FBXO32: variants seen among roughly 807,000 people sequenced by gnomAD.
FBXO32 encodes the protein F-box protein 32.
FBXO32 carries 15 observed loss-of-function variants against 48.3 expected under a neutral mutation model. That is an observed-to-expected ratio of 0.31 (90% CI 0.21 to 0.48). FBXO32 has a LOEUF of 0.48. FBXO32 is among the 20% of genes least tolerant of loss of function. FBXO32 has a pLI of 0.99. For missense variants in FBXO32, 309 were observed against 432.7 expected, an observed-to-expected ratio of 0.71 and a Z score of 2.54; for synonymous variants, 154 against 165.9, an observed-to-expected ratio of 0.93 and a Z score of 0.55.
intron 4 of FBXO32, among the ~76,000 whole-genome samples, chr8:123,531,128 C>T (rs62521280): frequency 0.078 from 11,805 of 151,712 alleles, 636 homozygotes; most frequent in Non-Finnish European, 0.12. Flanking sequence ...TACAGGCACC[C>T]GCCACCACGC....
rs1420553926 is a variant in FBXO32 at position 123,506,963 on chromosome 8, C to T, written c.652-389G>A. 6.6e-6 allele frequency among the ~76,000 whole-genome samples: 1 copy of T among 152,150 alleles called. No individual in the cohort carries two copies. Among genetic ancestry groups the T allele is most frequent in the African/African-American group, 2.4e-5 (1 of 41,436 alleles). On this transcript the variant is annotated intron_variant, in intron 6 of 8. Coordinates refer to ENST00000517956, the MANE Select transcript of FBXO32 (RefSeq NM_058229.4). The surrounding 1 kb of genome is among the most constrained non-coding windows in gnomAD (Gnocchi z 4.0). ...GCCACCCCAAGTCCCATCTCTCTGG[C>T]CCCCCTCCAGACATCAGGTCCCTCC...
Position 123,499,843 on chromosome 8 carries a change from C to A in FBXO32, c.*3530G>T, listed in dbSNP as rs1012371062. 2.0e-5 allele frequency: 3 copies of A among 152,198 alleles called. No individual in the cohort carries two copies. The East Asian group carries it at 5.8e-4, about 29-fold the overall frequency. 9.4% of individuals were successfully genotyped at this position (152,198 alleles called of 1,614,324 possible). ...GTATGTGAATCCACAAAGACGAGAACTATGGCAATAGCATAATACACACCC... is the reference window on the plus strand; with the variant it reads ...GTATGTGAATCCACAAAGACGAGAAATATGGCAATAGCATAATACACACCC... On this transcript the variant is annotated 3_prime_UTR_variant, in exon 9 of 9. Transcript: ENST00000517956.
At chr8:123,522,345 A>C (rs999217894) in intron 4 of FBXO32, among the ~76,000 whole-genome samples, 10 of 151,210 alleles carry the variant, frequency 6.6e-5, no homozygotes, top group African/African-American at 2.2e-4. Context: ...AGTAGCTGGG[A>C]CTACAAGTGC....
Position 123,513,347 on chromosome 8 carries a change from C to T in FBXO32, c.502G>A (p.Glu168Lys). 1 of 1,614,052 alleles carries T rather than the reference C, an allele frequency of 6.2e-7. No individual in the cohort carries two copies. Among genetic ancestry groups the T allele is most frequent in the Non-Finnish European group, 8.5e-7 (1 of 1,179,976 alleles). The change falls in exon 6 of 9, where the codon GAA becomes AAA. Residue 168 changes from glutamate to lysine, a missense_variant. Transcript: ENST00000517956. The surrounding 1 kb of genome is among the most constrained non-coding windows in gnomAD (Gnocchi z 4.3). ...EDQQNIRLIRELLQTLYTSLC... is the reference protein window; with the variant it reads ...EDQQNIRLIRKLLQTLYTSLC... ...GATGTGTAGAGGGTCTGGAGTAGTT[C>T]CCTTATTAGTCTAATGTTTTGCTGG... is the stretch of plus-strand genomic sequence containing the variant.
At chr8:123,515,521 T>A (rs1156864308) in intron 4 of FBXO32, among the ~76,000 whole-genome samples, 1 of 151,512 alleles carries the variant, frequency 6.6e-6, no homozygotes, top group Non-Finnish European at 1.5e-5. Context: ...AATGCTGGGA[T>A]TACAGGCATG....
chr8:123,514,565 A>G (rs1816800390), intron 4 of FBXO32, among the ~76,000 whole-genome samples: 1 of 152,240 alleles, frequency 6.6e-6, no homozygotes, highest in Non-Finnish European at 1.5e-5. Context: ...AAATATAAAG[A>G]ATTTTGGCTT....
intron 2 of FBXO32, among the ~76,000 whole-genome samples, chr8:123,534,305 T>G (rs1202418208): frequency 6.6e-6 from 1 of 152,208 alleles, no homozygotes; most frequent in African/African-American, 2.4e-5. Context: ...TTATATATAG[T>G]ATCTAGAAAT....
intron 1 of FBXO32, among the ~76,000 whole-genome samples, chr8:123,539,134 T>C (rs1817365284): frequency 6.6e-6 from 1 of 152,108 alleles, no homozygotes; most frequent in Middle Eastern, 3.2e-3. Context: ...GCCTCCCGAG[T>C]AGGGTAAGTA....
In FBXO32 at chr8:123,506,206, G is replaced by A. The variant is rs1354106658; in HGVS notation, c.834+186C>T. On this transcript the variant is annotated intron_variant, in intron 7 of 8. Transcript: ENST00000517956. This position sits in a 1 kb window ranked among gnomAD's most constrained non-coding sequence, Gnocchi z 4.0. Reference sequence around the variant, plus strand: ...ATTGCATCACTGCACTCCAGCCTGGGCCACAGAGCGAGACCCTGTCTCAAA... The same window carrying A: ...ATTGCATCACTGCACTCCAGCCTGGACCACAGAGCGAGACCCTGTCTCAAA... 2.0e-5 allele frequency among the ~76,000 whole-genome samples: 3 copies of A among 152,186 alleles called. No homozygotes were observed. Among genetic ancestry groups the A allele is most frequent in the African/African-American group, 2.4e-5 (1 of 41,450 alleles).
rs1175293621 is a variant in FBXO32, at chr8:123,499,505, G to T, written c.*3868C>A. 1 of 151,030 alleles carries T rather than the reference G, an allele frequency of 6.6e-6. No homozygotes were observed. The highest frequency in any genetic ancestry group is 2.1e-4 in the South Asian group (1 of 4,796). 9.4% of individuals were successfully genotyped at this position (151,030 alleles called of 1,614,324 possible). On this transcript the variant is annotated 3_prime_UTR_variant, in exon 9 of 9. Transcript: ENST00000517956. Reference sequence around the variant, plus strand: ...AAAAGATGTCAACATAGAAAATGATGATAGAGTTTAGTTAAAAAAATTCAC... The same window carrying T: ...AAAAGATGTCAACATAGAAAATGATTATAGAGTTTAGTTAAAAAAATTCAC...
In FBXO32 at chr8:123,498,600, C is replaced by T. The variant is rs1013254286; in HGVS notation, c.*4773G>A. ...ATGAACATCCGCTGGGCTAGAAATG[C>T]ACTGAATCTCATAGCTGGTCCTGAA... On this transcript the variant is annotated 3_prime_UTR_variant, in exon 9 of 9. Transcript: ENST00000517956. The T allele has an allele frequency of 2.6e-5, 4 of 152,156 alleles. No individual in the cohort carries two copies. The highest frequency in any genetic ancestry group is 4.4e-5 in the Non-Finnish European group (3 of 68,050). 9.4% of individuals were successfully genotyped at this position (152,156 alleles called of 1,614,324 possible). A position where few individuals can be genotyped will look rare whatever the true frequency, so the allele number is the denominator to read the frequency against.
chr8:123,501,519 CAG>C lies in FBXO32; in HGVS notation c.*1852_*1853del, dbSNP rs748603584. The C allele has an allele frequency of 7.2e-5, 11 of 151,796 alleles. No homozygotes were observed. The highest frequency in any genetic ancestry group is 1.9e-4 in the East Asian group (1 of 5,166). 9.4% of individuals were successfully genotyped at this position (151,796 alleles called of 1,614,324 possible). A position where few individuals can be genotyped will look rare whatever the true frequency, so the allele number is the denominator to read the frequency against. On this transcript the variant is annotated 3_prime_UTR_variant, in exon 9 of 9. Transcript: ENST00000517956. ...TTTAAATTCAATGTAATTTTTTTCT[CAG>C]GGGGATGATAATGAAAAAAACTGGA...
chr8:123,532,426 C>A (rs191502951), intron 3 of FBXO32, among the ~76,000 whole-genome samples: 2 of 152,264 alleles, frequency 1.3e-5, no homozygotes, highest in East Asian at 3.9e-4. Flanking sequence ...TGCCTTATAC[C>A]AATAGTGCTT....
chr8:123,518,251 G>A (rs776109530), intron 4 of FBXO32, among the ~76,000 whole-genome samples: 3 of 152,112 alleles, frequency 2.0e-5, no homozygotes, highest in Non-Finnish European at 4.4e-5. Flanking sequence ...AAGATTAAAT[G>A]TATTCACATA....
At chr8:123,508,804 C>T (rs1410405240) in intron 6 of FBXO32, among the ~76,000 whole-genome samples, 1 of 152,182 alleles carries the variant, frequency 6.6e-6, no homozygotes, top group Non-Finnish European at 1.5e-5. Flanking sequence ...ACATTAACTC[C>T]TATTAAAGGC....
Position 123,505,389 on chromosome 8 carries a change from C to T in FBXO32, c.835-642G>A, listed in dbSNP as rs76507085. ...CTTCATCTGTTTAAAGTGGGCACAA[C>T]AATGCCTATCCTTCCCTGGGCCATC... On this transcript the variant is annotated intron_variant, in intron 7 of 8. Coordinates refer to ENST00000517956, the MANE Select transcript of FBXO32 (RefSeq NM_058229.4). Among the ~76,000 whole-genome samples the T allele has an allele frequency of 3.2e-3, 491 of 152,320 alleles. 2 individuals are homozygous for T. Among genetic ancestry groups the T allele is most frequent in the African/African-American group, 0.011 (463 of 41,566 alleles).
At chr8:123,526,035 A>T (rs1456273809) in intron 4 of FBXO32, among the ~76,000 whole-genome samples, 4 of 151,988 alleles carry the variant, frequency 2.6e-5, no homozygotes, top group Non-Finnish European at 5.9e-5. Context: ...TTAAATGAAC[A>T]ATCATCCCTA....
At chr8:123,532,280 G>T in intron 3 of FBXO32, 1 of 885,366 alleles carries the variant, frequency 1.1e-6, no homozygotes, top group Middle Eastern at 4.6e-4. Context: ...TATTAGTCTG[G>T]AAAAATCATA....
chr8:123,520,588 G>A (rs74965766), intron 4 of FBXO32, among the ~76,000 whole-genome samples: 12,075 of 152,202 alleles, frequency 0.079, 898 homozygotes, highest in East Asian at 0.45. Flanking sequence ...ATCTCAGAGC[G>A]GATATCAACC....
Sources: allele counts gnomAD v4.1 joint callset (sites outside exome capture counted in the v4.1 genomes callset), GRCh38; gene constraint gnomAD v4.1.1; non-coding constraint Gnocchi (gnomAD v3.1); transcripts MANE v1.5; gene names NCBI Gene and HGNC (gene_info 2026-07-23, HGNC 2026-07-21).